FMN1: variants seen among roughly 807,000 people sequenced by gnomAD.
FMN1 encodes the protein formin 1, also known as formin-1.
In FMN1, 110 loss-of-function variants were observed where a neutral mutation model predicts 132.4. The observed-to-expected ratio is 0.83, with a 90% CI of 0.71 to 0.97. The LOEUF is 0.97. Among genes scored for constraint, FMN1 ranks in the 50% least tolerant of loss-of-function variants. The probability of loss-of-function intolerance (pLI) is 0.00; values close to 1 mark genes in which losing one functional copy is unlikely to be tolerated. For missense variants in FMN1, 1,792 were observed against 1,705.3 expected (o/e 1.05, Z -0.90); for synonymous variants, 722 against 651.7 (o/e 1.11, Z -1.64).
At chr15:33,047,331 G>A (rs1379804695) in intron 6 of FMN1, among the ~76,000 whole-genome samples, 3 of 152,104 alleles carry the variant, frequency 2.0e-5, no homozygotes, top group South Asian at 2.1e-4. Context: ...CTTAGTTCAG[G>A]CTTCTTGTTT....
chr15:32,982,349 A>G (rs541143231), intron 7 of FMN1, among the ~76,000 whole-genome samples: 3 of 152,344 alleles, frequency 2.0e-5, no homozygotes, highest in African/African-American at 4.8e-5. Context: ...TTTGGAAAGC[A>G]GTTTGGCCAT....
intron 19 of FMN1, among the ~76,000 whole-genome samples, chr15:32,792,203 G>C (rs1314993222): frequency 1.1e-4 from 17 of 150,338 alleles, no homozygotes; most frequent in Admixed American, 1.1e-3. Context: ...ACTTTGGGAG[G>C]CCGAGGCGGG....
intron 9 of FMN1, among the ~76,000 whole-genome samples, chr15:32,938,079 G>A (rs1056019611): frequency 1.3e-5 from 2 of 151,940 alleles, no homozygotes; most frequent in Admixed American, 1.3e-4. Context: ...GAGAGAAAAA[G>A]TATACATTTT....
intron 9 of FMN1, among the ~76,000 whole-genome samples, chr15:32,941,408 C>T (rs1320837024): frequency 2.0e-5 from 3 of 152,274 alleles, no homozygotes; most frequent in South Asian, 2.1e-4. Context: ...CAGAAGTCCA[C>T]GTATGTAAGT....
chr15:32,931,293 T>C (rs181714668), intron 9 of FMN1, among the ~76,000 whole-genome samples: 12 of 152,338 alleles, frequency 7.9e-5, no homozygotes, highest in Non-Finnish European at 1.2e-4. Flanking sequence ...ATACAGACAT[T>C]CAATAATATT....
chr15:33,120,896 C>T (rs1206830709), intron 4 of FMN1, among the ~76,000 whole-genome samples: 1 of 152,078 alleles, frequency 6.6e-6, no homozygotes, highest in African/African-American at 2.4e-5. Context: ...TGAAAATATA[C>T]CTGTTGCACT....
chr15:32,878,675 C>T (rs1301234204), intron 16 of FMN1, among the ~76,000 whole-genome samples: 1 of 152,184 alleles, frequency 6.6e-6, no homozygotes, highest in Admixed American at 6.5e-5. Context: ...GGTAGCCTTA[C>T]ACTCATTTTT....
At chr15:32,881,519 A>G (rs1405548154) in intron 16 of FMN1, among the ~76,000 whole-genome samples, 2 of 152,312 alleles carry the variant, frequency 1.3e-5, no homozygotes, top group Non-Finnish European at 1.5e-5. Flanking sequence ...TGAGTGTTCA[A>G]TCAATGACGT....
At chr15:32,981,540 A>ATT (rs1555372546) in intron 7 of FMN1, among the ~76,000 whole-genome samples, 4,919 of 100,714 alleles carry the variant, frequency 0.049, 99 homozygotes, top group Admixed American at 0.06. Context: ...TAATAATAAT[A>ATT]ATAATTATTA....
intron 16 of FMN1, among the ~76,000 whole-genome samples, chr15:32,883,655 C>A (rs1443370905): frequency 2.7e-5 from 4 of 150,616 alleles, no homozygotes; most frequent in African/African-American, 9.7e-5. Context: ...CCAGTAATAT[C>A]ATTTCACCAA....
chr15:33,055,487 C>A (rs1205197454), intron 6 of FMN1, among the ~76,000 whole-genome samples: 2 of 151,984 alleles, frequency 1.3e-5, no homozygotes, highest in African/African-American at 4.8e-5. Flanking sequence ...TGGTACAAGG[C>A]TAGACAAAGC....
At chr15:32,803,150 G>GT (rs2057537691) in intron 18 of FMN1, among the ~76,000 whole-genome samples, 3 of 152,146 alleles carry the variant, frequency 2.0e-5, no homozygotes, top group Admixed American at 6.5e-5. Flanking sequence ...TCTACAATCT[G>GT]TTTATTTGCA....
chr15:33,114,848 AC>A (rs1170979368), intron 4 of FMN1, among the ~76,000 whole-genome samples: 2 of 152,230 alleles, frequency 1.3e-5, no homozygotes, highest in African/African-American at 2.4e-5. Context: ...CTGGAAATTA[AC>A]TTTTTTCCCC....
Position 32,856,937 on chromosome 15 carries a change from C to A in FMN1, c.3928+78G>T, listed in dbSNP as rs1031514251. 11 of 1,026,366 alleles carry A rather than the reference C, an allele frequency of 1.1e-5. No individual in the cohort carries two copies. In the East Asian group the frequency reaches 2.6e-4, roughly 24 times the overall value. The allele number at this position is 1,026,366 out of a possible 1,614,324, so 63.6% of individuals were successfully genotyped here. A position where few individuals can be genotyped will look rare whatever the true frequency, so the allele number is the denominator to read the frequency against. On this transcript the variant is annotated intron_variant, in intron 17 of 20. Transcript: ENST00000616417. ...TGTGGTCAGCCAGGATGCCAGGGGC[C>A]GTGGGCCTCAGAGAAAGATTCATGG...
chr15:32,808,193 A>G (rs2057748752), intron 17 of FMN1, among the ~76,000 whole-genome samples: 1 of 152,250 alleles, frequency 6.6e-6, no homozygotes, highest in Admixed American at 6.5e-5. Context: ...ATAGTTCCAC[A>G]GCCTACCAAG....
chr15:33,053,626 T>C (rs2037080080), intron 6 of FMN1, among the ~76,000 whole-genome samples: 1 of 152,078 alleles, frequency 6.6e-6, no homozygotes, highest in African/African-American at 2.4e-5. Context: ...GTTCCCACAA[T>C]ACTCCCCATC....
At chr15:33,146,982 G>T (rs999247876) in intron 4 of FMN1, among the ~76,000 whole-genome samples, 1 of 152,042 alleles carries the variant, frequency 6.6e-6, no homozygotes, top group Non-Finnish European at 1.5e-5. Context: ...AGACGAGCCT[G>T]GCCAACGTGG....
intron 7 of FMN1, among the ~76,000 whole-genome samples, chr15:32,991,026 C>T (rs1301082245): frequency 6.6e-6 from 1 of 152,010 alleles, no homozygotes; most frequent in African/African-American, 2.4e-5. Context: ...AGCAACCAAA[C>T]GAGAAAAGAG....
intron 6 of FMN1, among the ~76,000 whole-genome samples, chr15:33,022,123 C>A (rs1185870301): frequency 6.6e-6 from 1 of 152,198 alleles, no homozygotes; most frequent in Non-Finnish European, 1.5e-5. Context: ...TACTAAATCA[C>A]CTCTAGATTA....
Sources: gnomAD v4.1 joint callset for allele counts (sites outside exome capture counted in the v4.1 genomes callset) on GRCh38, gnomAD v4.1.1 for gene constraint, MANE v1.5 for transcripts, NCBI Gene and HGNC (gene_info 2026-07-23, HGNC 2026-07-21) for gene names.